Variants in KIAA1210 observed in about 807,000 individuals in gnomAD.
KIAA1210 encodes the protein KIAA1210.
Under a neutral mutation model 78.9 loss-of-function variants are expected in KIAA1210, and 48 were observed. The ratio of observed to expected loss-of-function variants is 0.61; its 90% CI spans 0.48 to 0.77. KIAA1210 has a LOEUF of 0.77. Among genes scored for constraint, KIAA1210 ranks in the 30% least tolerant of loss-of-function variants. The probability of loss-of-function intolerance (pLI) is 0.00; values close to 1 mark genes in which losing one functional copy is unlikely to be tolerated. For missense variants in KIAA1210, 1,108 were observed against 1,100.0 expected (o/e 1.01, Z -0.10); for synonymous variants, 406 against 404.5 (o/e 1.00, Z -0.04).
At chrX:119,093,234 A>C (rs1203052984) in intron 8 of KIAA1210, among the ~76,000 whole-genome samples, 1 of 112,204 alleles carries the variant, frequency 8.9e-6, no homozygotes, top group African/African-American at 3.2e-5. Context: ...AGAGAAAGGC[A>C]ACTTTAAAAA....
In KIAA1210 at chrX:119,108,528, G is replaced by T; in HGVS notation, c.358-57C>A. On this transcript the variant is annotated intron_variant, in intron 4 of 11. Coordinates refer to ENST00000691062, the MANE Select transcript of KIAA1210 (RefSeq NM_001394962.1). ...ATTGGTATGCCAGCACATAAACAGT[G>T]GAATGTTGCTGCCAAAATAATTATT... is the stretch of plus-strand genomic sequence containing the variant. 4 of 1,153,825 alleles carry T rather than the reference G, an allele frequency of 3.5e-6. No homozygotes were observed. The South Asian group carries it at 8.1e-5, about 23-fold the overall frequency.
chrX:119,089,219 G>A lies in KIAA1210; in HGVS notation c.1483C>T (p.Leu495=), dbSNP rs776198112. 8.3e-7 allele frequency: 1 copy of A among 1,209,852 alleles called. No individual in the cohort carries two copies. The highest frequency in any genetic ancestry group is 1.7e-5 in the African/African-American group (1 of 57,263). The part of the protein sequence containing the change: ...EKTEARASLS[L]MVESLSTTQE... ...GTTGTAGAAAGGCTTTCCACCATCAGTGAGAGAGAAGCTCTGGCTTCTGTC... is the reference window on the plus strand; with the variant it reads ...GTTGTAGAAAGGCTTTCCACCATCAATGAGAGAGAAGCTCTGGCTTCTGTC... The change falls in exon 9 of 12, where the codon CTG becomes TTG. Residue 495 remains leucine, a synonymous_variant. Transcript: ENST00000691062.
chrX:119,102,432 A>G (rs1927761407), intron 6 of KIAA1210, among the ~76,000 whole-genome samples: 1 of 111,269 alleles, frequency 9.0e-6, no homozygotes, highest in South Asian at 3.9e-4. Flanking sequence ...CAGTGGCTAC[A>G]CACAGGCATG....
intron 1 of KIAA1210, 54 bp from the exon 2 acceptor site, chrX:119,123,706 C>A: frequency 1.3e-6 from 1 of 791,743 alleles, no homozygotes. Flanking sequence ...ATATTCAGGG[C>A]GTAATGCAAT....
Position 119,089,030 on chromosome X carries a change from A to G in KIAA1210, c.1672T>C (p.Ser558Pro). 3.3e-6 allele frequency: 4 copies of G among 1,211,938 alleles called. No individual in the cohort carries two copies. The South Asian group carries it at 7.0e-5, about 21-fold the overall frequency. Residue 558 changes from serine (S) to proline (P), a missense_variant, in exon 9 of 12, where the codon TCT becomes CCT. By Grantham distance (74) the Ser-to-Pro change is moderately conservative. This residue lies in a region of KIAA1210 where 672 missense variants were observed against 607.1 expected (regional missense o/e 1.11). Coordinates refer to ENST00000691062, the MANE Select transcript of KIAA1210 (RefSeq NM_001394962.1). ...DVQTICKEKPSGNVHQTFTAS... is the reference protein window; with the variant it reads ...DVQTICKEKPPGNVHQTFTAS... ...GTAAAGGTCTGGTGAACATTTCCAG[A>G]AGGCTTTTCTTTGCAGATAGTTTGA...
At chrX:119,113,628 A>T (rs956995840) in intron 3 of KIAA1210, among the ~76,000 whole-genome samples, 1 of 111,955 alleles carries the variant, frequency 8.9e-6, no homozygotes. Flanking sequence ...TGATAGCTGC[A>T]CATGCTAAAA....
exon 1 of KIAA1210, chrX:119,150,434 C>A: frequency 8.3e-7 from 1 of 1,211,848 alleles, no homozygotes. Context: ...CAACCAAAGA[C>A]AACTGCAACA....
chrX:119,100,620 A>G (rs1927709763), intron 6 of KIAA1210, among the ~76,000 whole-genome samples: 1 of 111,797 alleles, frequency 8.9e-6, no homozygotes, highest in Admixed American at 9.5e-5. Context: ...GATATATTGG[A>G]TATATCACAT....
intron 2 of KIAA1210, among the ~76,000 whole-genome samples, chrX:119,119,697 C>T (rs938387862): frequency 4.5e-5 from 5 of 111,512 alleles, no homozygotes; most frequent in African/African-American, 1.3e-4. Context: ...ATAAAAAAGG[C>T]CGGGCGCGGT....
intron 11 of KIAA1210, among the ~76,000 whole-genome samples, chrX:119,082,326 A>G (rs1926991888): frequency 1.8e-5 from 2 of 111,354 alleles, no homozygotes; most frequent in African/African-American, 3.3e-5. Context: ...AACTGCTGCT[A>G]TTTCATGGCC....
rs1488346703 is a variant in KIAA1210 at position 119,080,812 on chromosome X, TG to T, written c.*516del. 2 of 112,605 alleles carry T rather than the reference TG, an allele frequency of 1.8e-5. No individual in the cohort carries two copies. Among genetic ancestry groups the T allele is most frequent in the Non-Finnish European group, 3.7e-5 (2 of 53,364 alleles). The allele number at this position is 112,605 out of a possible 1,213,427, so 9.3% of individuals were successfully genotyped here. ...GGCATTTATTTCATTCAAATAATTA[TG>T]TTTTAATTTGCATTTCTAAGGCTAT... is the stretch of plus-strand genomic sequence containing the variant. On this transcript the variant is annotated 3_prime_UTR_variant, in exon 12 of 12. Coordinates refer to ENST00000691062, the MANE Select transcript of KIAA1210 (RefSeq NM_001394962.1).
At chrX:119,125,735 A>ATATATATTTTT (rs5903546) in intron 1 of KIAA1210, among the ~76,000 whole-genome samples, 13 of 15,792 alleles carry the variant, frequency 8.2e-4, no homozygotes, top group African/African-American at 3.4e-3. Flanking sequence ...ATATATATAT[A>ATATATATTTTT]TTTTTTTTTT....
rs957448004 is a variant in KIAA1210, at chrX:119,105,392, T to A, written c.493-245A>T. 2.7e-5 allele frequency among the ~76,000 whole-genome samples: 3 copies of A among 112,043 alleles called. No individual in the cohort carries two copies. In the Admixed American group the frequency reaches 2.8e-4, roughly 11 times the overall value. On this transcript the variant is annotated intron_variant, in intron 5 of 11. Coordinates refer to ENST00000691062, the MANE Select transcript of KIAA1210 (RefSeq NM_001394962.1). ...CTGGGGTGCTGCACACTTTTGCCAATCCCCAAACAAAGACAGAAACTTCAA... is the reference window on the plus strand; with the variant it reads ...CTGGGGTGCTGCACACTTTTGCCAAACCCCAAACAAAGACAGAAACTTCAA...
chrX:119,117,062 T>C (rs1385881540), intron 2 of KIAA1210, among the ~76,000 whole-genome samples: 2 of 112,484 alleles, frequency 1.8e-5, no homozygotes, highest in African/African-American at 3.2e-5. Flanking sequence ...CCCCTGACTC[T>C]ACCCCAGTGG....
chrX:119,127,208 T>G (rs1450319348), intron 1 of KIAA1210, among the ~76,000 whole-genome samples: 1 of 110,990 alleles, frequency 9.0e-6, no homozygotes, highest in Non-Finnish European at 1.9e-5. Flanking sequence ...AGAAGCCTTT[T>G]TAGACATTGG....
chrX:119,103,498 G>A (rs1316533777), intron 6 of KIAA1210, among the ~76,000 whole-genome samples: 1 of 111,821 alleles, frequency 8.9e-6, no homozygotes, highest in Non-Finnish European at 1.9e-5. Flanking sequence ...TAGTGGGGAT[G>A]TAATGTAAAG....
At chrX:119,150,278 T>C (rs759618306) in intron 1 of KIAA1210, 3 of 1,195,645 alleles carry the variant, frequency 2.5e-6, no homozygotes, top group East Asian at 6.0e-5. Context: ...GCTGTAGGAG[T>C]GCCACAAAGT....
At chrX:119,149,183 C>T (rs1310179025) in intron 1 of KIAA1210, among the ~76,000 whole-genome samples, 1 of 110,732 alleles carries the variant, frequency 9.0e-6, no homozygotes, top group Non-Finnish European at 1.9e-5. Context: ...ACAGTTCCTC[C>T]ATGTGCTCGC....
intron 2 of KIAA1210, among the ~76,000 whole-genome samples, chrX:119,137,608 G>A (rs987489561): frequency 4.4e-5 from 5 of 112,766 alleles, no homozygotes; most frequent in Non-Finnish European, 7.5e-5. Context: ...CTCCTGTGCC[G>A]CATGCGGCCC....
Sources: allele counts gnomAD v4.1 joint callset (sites outside exome capture counted in the v4.1 genomes callset), GRCh38; gene constraint gnomAD v4.1.1; regional missense constraint gnomAD v4.1.1; transcripts MANE v1.5; gene names NCBI Gene and HGNC (gene_info 2026-07-23, HGNC 2026-07-21).